Variants in NDE1 observed in about 807,000 individuals in gnomAD.
The protein encoded by NDE1 is nudE neurodevelopment protein 1.
NDE1 carries 28 observed loss-of-function variants against 43.4 expected under a neutral mutation model. That is an observed-to-expected ratio of 0.65 (90% CI 0.48 to 0.89). The LOEUF is 0.89. NDE1 is among the 40% of genes least tolerant of loss of function. The pLI is 0.00. For missense variants in NDE1, 441 were observed against 434.1 expected, an observed-to-expected ratio of 1.02 and a Z score of -0.14; for synonymous variants, 184 against 172.0, an observed-to-expected ratio of 1.07 and a Z score of -0.55.
chr16:15,643,538 C>T, exon 1 of NDE1: 1 of 358,142 alleles, frequency 2.8e-6, no homozygotes, highest in South Asian at 2.1e-5. Flanking sequence ...GCGATTTGAA[C>T]GGGATTTCAA....
intron 8 of NDE1, chr16:15,708,959 T>G: frequency 9.0e-7 from 1 of 1,110,236 alleles, no homozygotes; most frequent in South Asian, 1.3e-5. Context: ...GGCACTCTTT[T>G]TTATTTTGAG....
intron 8 of NDE1, chr16:15,721,486 G>T: frequency 6.2e-7 from 1 of 1,614,140 alleles, no homozygotes; most frequent in Non-Finnish European, 8.5e-7. Context: ...CATTTTGTTG[G>T]TCCGCTCGAG....
At chr16:15,654,285 C>T (rs2036645224) in intron 1 of NDE1, among the ~76,000 whole-genome samples, 1 of 151,922 alleles carries the variant, frequency 6.6e-6, no homozygotes, top group Non-Finnish European at 1.5e-5. Flanking sequence ...TTAACACTTG[C>T]CTATTACAGT....
chr16:15,648,063 T>C (rs558261037), upstream of NDE1, among the ~76,000 whole-genome samples: 2 of 151,092 alleles, frequency 1.3e-5, no homozygotes, highest in East Asian at 3.9e-4. Flanking sequence ...GATAATAATA[T>C]ATATATTTTT....
intron 8 of NDE1, among the ~76,000 whole-genome samples, chr16:15,707,276 G>C (rs963252482): frequency 6.6e-6 from 1 of 152,124 alleles, no homozygotes; most frequent in African/African-American, 2.4e-5. Context: ...TTATCTGCCC[G>C]CCTCGGCCTC....
chr16:15,699,739 C>T (rs533786831), intron 8 of NDE1: 109 of 1,351,072 alleles, frequency 8.1e-5, no homozygotes, highest in Admixed American at 2.3e-4. Flanking sequence ...GTTGGGGAAG[C>T]GCCTGGAATT....
At chr16:15,650,115 C>T (rs1328878409), upstream of NDE1, 2 of 152,734 alleles carry the variant, frequency 1.3e-5, no homozygotes, top group Non-Finnish European at 2.9e-5. Flanking sequence ...AAAAAGTTTC[C>T]AAACGACGCT....
At chr16:15,706,820 C>T (rs183967680) in intron 8 of NDE1, among the ~76,000 whole-genome samples, 1 of 152,328 alleles carries the variant, frequency 6.6e-6, no homozygotes, top group South Asian at 2.1e-4. Flanking sequence ...ACTGGAAAAG[C>T]TTAATGGATA....
rs574531349 is a variant in NDE1, at chr16:15,712,081, G to A, written c.948-12110G>A. Among the ~76,000 whole-genome samples the A allele has an allele frequency of 2.6e-5, 4 of 152,324 alleles. No homozygotes were observed. In the East Asian group the frequency reaches 5.8e-4, roughly 22 times the overall value. ...AGACCAAAACGTTAAGAAGGACCAC[G>A]AGGTTTGTGATGTGAATTGTTGGCA... On this transcript the variant is annotated intron_variant, in intron 8 of 8. Transcript: ENST00000396354.
intron 4 of NDE1, among the ~76,000 whole-genome samples, chr16:15,681,717 A>AT (rs2038193172): frequency 6.6e-6 from 1 of 151,916 alleles, no homozygotes; most frequent in African/African-American, 2.4e-5. Flanking sequence ...AGAGTTACTG[A>AT]TTTGTTTTGT....
chr16:15,655,692 C>T (rs975080302), intron 1 of NDE1, among the ~76,000 whole-genome samples: 12 of 151,872 alleles, frequency 7.9e-5, no homozygotes, highest in East Asian at 1.9e-4. Flanking sequence ...ATGTTTATTG[C>T]GGCATTATTC....
At chr16:15,699,894 G>T in intron 8 of NDE1, 3 of 1,279,138 alleles carry the variant, frequency 2.3e-6, no homozygotes, top group South Asian at 1.3e-5. Flanking sequence ...TTTACACTAG[G>T]TTTTTGTTTT....
At position 15,720,954 on chromosome 16, in the gene NDE1, T is replaced by G. The variant is rs756906118; in HGVS notation, c.948-3237T>G. The G allele has an allele frequency of 2.5e-6, 4 of 1,614,072 alleles. No homozygotes were observed. Among genetic ancestry groups the G allele is most frequent in the Middle Eastern group, 1.7e-4 (1 of 6,060 alleles). ...GACTTCCAGCCGCAGTTTGGCGTCC[T>G]CCGTGGCTTGCAGCTCGTCCTCCAG... On this transcript the variant is annotated intron_variant, in intron 8 of 8. Coordinates refer to ENST00000396354, the MANE Select transcript of NDE1 (RefSeq NM_017668.3).
intron 1 of NDE1, among the ~76,000 whole-genome samples, chr16:15,661,230 G>A (rs1234134665): frequency 6.7e-6 from 1 of 149,748 alleles, no homozygotes; most frequent in African/African-American, 2.5e-5. Context: ...CTCACTGCAA[G>A]CTCCGCCTCC....
At chr16:15,662,524 C>T (rs1362366759) in intron 1 of NDE1, among the ~76,000 whole-genome samples, 16 of 151,956 alleles carry the variant, frequency 1.1e-4, no homozygotes, top group Admixed American at 1.1e-3. Context: ...ACCTCATGAT[C>T]CGCCTGCCTC....
At chr16:15,657,679 C>T (rs753615355) in intron 1 of NDE1, among the ~76,000 whole-genome samples, 5 of 152,144 alleles carry the variant, frequency 3.3e-5, no homozygotes, top group Non-Finnish European at 7.3e-5. Flanking sequence ...ACTGCAGCCT[C>T]CGCTTCTCAG....
chr16:15,650,843 C>G (rs1474709198), intron 1 of NDE1, among the ~76,000 whole-genome samples: 2 of 152,262 alleles, frequency 1.3e-5, no homozygotes, highest in East Asian at 1.9e-4. Flanking sequence ...CACCCACTGT[C>G]CCGCCCCTGC....
At chr16:15,709,856 G>A (rs550862473) in intron 8 of NDE1, among the ~76,000 whole-genome samples, 47 of 152,280 alleles carry the variant, frequency 3.1e-4, no homozygotes, top group African/African-American at 9.6e-4. Flanking sequence ...GAGGAGAGGT[G>A]GAGGCCTTGT....
At chr16:15,692,144 A>G (rs1357778181) in intron 6 of NDE1, among the ~76,000 whole-genome samples, 1 of 152,096 alleles carries the variant, frequency 6.6e-6, no homozygotes. Flanking sequence ...GCAGATATTA[A>G]TAACAGACAG....
Sources: allele counts gnomAD v4.1 joint callset (sites outside exome capture counted in the v4.1 genomes callset), GRCh38; gene constraint gnomAD v4.1.1; transcripts MANE v1.5; gene names NCBI Gene and HGNC (gene_info 2026-07-23, HGNC 2026-07-21).